RASEF: variants seen among roughly 807,000 people sequenced by gnomAD.
RASEF encodes the protein RAS and EF-hand domain containing.
A neutral mutation model predicts 90.1 loss-of-function variants in RASEF; 68 were observed. The observed-to-expected ratio is 0.75, with a 90% CI of 0.62 to 0.92. RASEF has a LOEUF of 0.92. Ranked by LOEUF, RASEF falls within the 40% of genes least tolerant of loss-of-function variation. The probability of loss-of-function intolerance (pLI) is 0.00; values close to 1 mark genes in which losing one functional copy is unlikely to be tolerated. For missense variants in RASEF, 949 were observed against 937.2 expected (o/e 1.01, Z -0.16); for synonymous variants, 331 against 345.2 (o/e 0.96, Z 0.46).
chr9:83,143,770 CAG>C, the RASEF span, among the ~76,000 whole-genome samples: 3 of 152,136 alleles, frequency 2.0e-5, no homozygotes, highest in Non-Finnish European at 2.9e-5. Context: ...TAATTTAAAA[CAG>C]AGCTACCATT....
upstream of RASEF, among the ~76,000 whole-genome samples, chr9:83,063,426 G>A (rs1253382708): frequency 6.6e-6 from 1 of 152,248 alleles, no homozygotes; most frequent in Non-Finnish European, 1.5e-5. Flanking sequence ...AAGGTAGGTA[G>A]GGGTAGGATT....
Position 83,062,762 on chromosome 9 carries a change from G to C in RASEF, c.106C>G (p.Leu36Val). 5 of 1,565,310 alleles carry C rather than the reference G, an allele frequency of 3.2e-6. No homozygotes were observed. Among genetic ancestry groups the C allele is most frequent in the Non-Finnish European group, 4.3e-6 (5 of 1,164,534 alleles). ...GGCCGCACCCGCAGCTCCGTGCACA[G>C]TGCCCGGAACTCCTCGCGCTCCAGG... The part of the protein sequence containing the change: ...GRLEREEFRA[L>V]CTELRVRPAD... Residue 36 changes from leucine to valine, a missense_variant, in exon 1 of 17, where the codon CTG becomes GTG. Transcript: ENST00000376447.
the RASEF span, among the ~76,000 whole-genome samples, chr9:83,140,765 G>A: frequency 9.2e-3 from 1,393 of 152,130 alleles, 12 homozygotes; most frequent in Middle Eastern, 0.014. Flanking sequence ...AATTTAGAAA[G>A]CACTTTTATT....
intron 16 of RASEF, among the ~76,000 whole-genome samples, chr9:82,983,153 A>ACACACC (rs1828648403): frequency 7.6e-6 from 1 of 131,840 alleles, no homozygotes; most frequent in African/African-American, 2.8e-5. Context: ...ACACACACAC[A>ACACACC]CACCCTTCTC....
the RASEF span, among the ~76,000 whole-genome samples, chr9:83,200,103 G>A: frequency 6.6e-6 from 1 of 152,262 alleles, no homozygotes; most frequent in African/African-American, 2.4e-5. Flanking sequence ...TCTAAAGGCC[G>A]GGCGCGGTGG....
the RASEF span, among the ~76,000 whole-genome samples, chr9:83,160,451 G>C: frequency 1.8e-4 from 28 of 152,292 alleles, no homozygotes; most frequent in African/African-American, 6.3e-4. Context: ...CTTTGAACTT[G>C]AGAGAGATGA....
At chr9:83,144,376 AAAGAAAG>A in the RASEF span, among the ~76,000 whole-genome samples, 1 of 65,620 alleles carries the variant, frequency 1.5e-5, no homozygotes, top group African/African-American at 7.7e-5. Context: ...AGAAAGAAAG[AAAGAAAG>A]AAAGAAAGGA....
At chr9:83,072,274 C>CCT in the RASEF span, among the ~76,000 whole-genome samples, 1 of 152,100 alleles carries the variant, frequency 6.6e-6, no homozygotes, top group Non-Finnish European at 1.5e-5. Context: ...TGTACCCTGC[C>CCT]CTCCAGCAAT....
intron 3 of RASEF, among the ~76,000 whole-genome samples, chr9:83,022,124 T>C (rs931274843): frequency 1.3e-5 from 2 of 152,142 alleles, no homozygotes; most frequent in Non-Finnish European, 2.9e-5. Context: ...CTTGTCACTA[T>C]CTGAACTTAT....
chr9:83,181,081 C>A, the RASEF span, among the ~76,000 whole-genome samples: 1 of 149,660 alleles, frequency 6.7e-6, no homozygotes, highest in African/African-American at 2.5e-5. Context: ...CTTTTACTCT[C>A]AAATGTGTTC....
intron 7 of RASEF, among the ~76,000 whole-genome samples, chr9:83,006,518 A>C (rs796744713): frequency 2.0e-5 from 3 of 152,316 alleles, no homozygotes; most frequent in African/African-American, 7.2e-5. Flanking sequence ...GAAAAAAAAA[A>C]AGGTCAAACC....
At chr9:83,138,842 G>T in the RASEF span, among the ~76,000 whole-genome samples, 1 of 151,970 alleles carries the variant, frequency 6.6e-6, no homozygotes, top group Non-Finnish European at 1.5e-5. Context: ...TATGATTAGT[G>T]TCATGAAAAT....
intron 3 of RASEF, among the ~76,000 whole-genome samples, chr9:83,018,594 G>A (rs73467586): frequency 0.03 from 4,508 of 152,016 alleles, 206 homozygotes; most frequent in African/African-American, 0.1. Context: ...TTGAAAGGCT[G>A]ATTCTTTGAA....
chr9:83,060,655 T>G (rs1396278961), intron 1 of RASEF, among the ~76,000 whole-genome samples: 1 of 152,178 alleles, frequency 6.6e-6, no homozygotes, highest in Admixed American at 6.5e-5. Context: ...TCAACAGCTG[T>G]ATGAGGAAGT....
the RASEF span, among the ~76,000 whole-genome samples, chr9:83,073,870 G>A: frequency 6.6e-6 from 1 of 152,154 alleles, no homozygotes; most frequent in Admixed American, 6.6e-5. Flanking sequence ...TTAAAGTTTA[G>A]TACTTTTTAA....
the RASEF span, among the ~76,000 whole-genome samples, chr9:83,135,949 A>C: frequency 6.6e-6 from 1 of 152,104 alleles, no homozygotes; most frequent in East Asian, 1.9e-4. Flanking sequence ...GTCAATAAGT[A>C]ATTATTACGG....
the RASEF span, among the ~76,000 whole-genome samples, chr9:83,092,003 C>CTTTTTTTTTTTTTTTTTTTTTCT: frequency 2.8e-5 from 1 of 35,922 alleles, no homozygotes; most frequent in African/African-American, 9.3e-5. Context: ...TCTTTTATTT[C>CTTTTTTTTTTTTTTTTTTTTTCT]TTTTTTTTTT....
At chr9:83,034,815 C>T (rs919727726) in intron 1 of RASEF, among the ~76,000 whole-genome samples, 2 of 152,214 alleles carry the variant, frequency 1.3e-5, no homozygotes, top group Non-Finnish European at 2.9e-5. Flanking sequence ...TTCACCTCTC[C>T]AGCTTCAGCT....
chr9:83,188,457 T>A, the RASEF span, among the ~76,000 whole-genome samples: 1 of 152,242 alleles, frequency 6.6e-6, no homozygotes, highest in Non-Finnish European at 1.5e-5. Flanking sequence ...TTGTGCAACC[T>A]GAGCAAGCTC....
Sources: allele counts gnomAD v4.1 joint callset (sites outside exome capture counted in the v4.1 genomes callset), GRCh38; gene constraint gnomAD v4.1.1; transcripts MANE v1.5; gene names NCBI Gene and HGNC (gene_info 2026-07-23, HGNC 2026-07-21).